Variants in ZNF572 observed in about 807,000 individuals in gnomAD.
ZNF572 encodes the protein zinc finger protein 572.
A neutral mutation model predicts 3.8 loss-of-function variants in ZNF572; 2 were observed. That is an observed-to-expected ratio of 0.52 (90% confidence interval 0.21 to 1.65). The LOEUF is 1.65. Among genes scored for constraint, ZNF572 ranks in the 40% most tolerant of loss-of-function variants. The pLI is 0.20. For synonymous variants in ZNF572, 187 were observed against 204.5 expected (o/e 0.91, Z 0.73); for missense variants, 581 against 633.4 (o/e 0.92, Z 0.89).
intron 1 of ZNF572, among the ~76,000 whole-genome samples, chr8:124,974,740 G>C (rs1274097070): frequency 1.3e-5 from 2 of 151,630 alleles, no homozygotes; most frequent in East Asian, 1.9e-4. Flanking sequence ...CCAGGCTGGA[G>C]TGGTGCAATG....
intron 2 of ZNF572, 123 bp from the exon 3 acceptor site, chr8:124,976,225 C>A: frequency 1.1e-6 from 1 of 915,066 alleles, no homozygotes; most frequent in East Asian, 2.9e-5. Context: ...TCTTTAAAAA[C>A]TTTTTTATAT....
Position 124,976,781 on chromosome 8 carries a change from C to G in ZNF572, c.513C>G (p.Asn171Lys), listed in dbSNP as rs142684750. 2.4e-4 allele frequency: 384 copies of G among 1,614,168 alleles called. 2 individuals are homozygous for G. The highest frequency in any genetic ancestry group is 1.2e-3 in the African/African-American group (92 of 75,064). Residue 171 changes from asparagine to lysine, a missense_variant, in exon 3 of 3, where the codon AAC (asparagine) becomes AAG (lysine). Physicochemically the swap from Asn to Lys is moderately conservative, Grantham distance 94. Transcript: ENST00000319286. ...KCSECAKCFC[N>K]SSHLIQHLRM... ...CTGAGTGTGCAAAATGTTTTTGTAA[C>G]AGTTCTCACCTGATTCAGCATCTAA...
At position 124,977,097 on chromosome 8, in the gene ZNF572, T is replaced by A; in HGVS notation, c.829T>A (p.Cys277Ser). Residue 277 changes from cysteine (C) to serine (S), a missense_variant, in exon 3 of 3, where the codon TGT becomes AGT. By Grantham distance (112) the Cys-to-Ser change is moderately radical (BLOSUM62 -1). Transcript: ENST00000319286. Reference sequence around the variant, plus strand: ...AGAAAAACCTTATAAGTGCCCTGATTGTGGGAAGAGTTTTAGTCAGAGTTC... The same window carrying A: ...AGAAAAACCTTATAAGTGCCCTGATAGTGGGAAGAGTTTTAGTCAGAGTTC... Reference protein sequence around the residue: ...TGEKPYKCPDCGKSFSQSSSL... With the variant: ...TGEKPYKCPDSGKSFSQSSSL... 2 of 1,609,698 alleles carry A rather than the reference T, an allele frequency of 1.2e-6. No individual in the cohort carries two copies. Among genetic ancestry groups the A allele is most frequent in the Non-Finnish European group, 1.7e-6 (2 of 1,180,000 alleles).
rs1468137822 is a variant in ZNF572 at position 124,979,239 on chromosome 8, G to C, written c.*1381G>C. The C allele has an allele frequency of 1.3e-5, 2 of 152,606 alleles. No individual in the cohort carries two copies. The highest frequency in any genetic ancestry group is 2.9e-5 in the Non-Finnish European group (2 of 68,040). The allele number at this position is 152,606 out of a possible 1,614,324, so 9.5% of individuals were successfully genotyped here. A position where few individuals can be genotyped will look rare whatever the true frequency, so the allele number is the denominator to read the frequency against. ...GTGAAGCCAGAATGGGTCAGTTGTAGCTGCTGCAAAGTTCTGTAGCTGATG... is the reference window on the plus strand; with the variant it reads ...GTGAAGCCAGAATGGGTCAGTTGTACCTGCTGCAAAGTTCTGTAGCTGATG... On this transcript the variant is annotated 3_prime_UTR_variant, in exon 3 of 3. Transcript: ENST00000319286.
chr8:124,977,409 G>C lies in ZNF572; in HGVS notation c.1141G>C (p.Glu381Gln). The C allele has an allele frequency of 6.2e-7, 1 of 1,614,190 alleles. No individual in the cohort carries two copies. The highest frequency in any genetic ancestry group is 8.5e-7 in the Non-Finnish European group (1 of 1,180,030). The change falls in exon 3 of 3, where the codon GAG becomes CAG. Residue 381 changes from glutamate to glutamine, a missense_variant. By Grantham distance (29) the Glu-to-Gln change is conservative. Transcript: ENST00000319286. ...AGAAGAATGCAGAATCCAGTTAGGA[G>C]AGAAACCATATAGATGTTGTGAATG... is the stretch of plus-strand genomic sequence containing the variant. ...VIEECRIQLGEKPYRCCECGK... is the reference protein window; with the variant it reads ...VIEECRIQLGQKPYRCCECGK...
rs754650065 is a variant in ZNF572 at position 124,976,340 on chromosome 8, T to C, written c.80-8T>C. The C allele has an allele frequency of 2.6e-6, 4 of 1,559,876 alleles. No individual in the cohort carries two copies. In the Admixed American group the frequency reaches 8.0e-5, roughly 31 times the overall value. ...GAATATGGTTAGAATATTTGTTTAT[T>C]CTTGCAGGAGATACAAGTATGAATA... On this transcript the variant is annotated splice_region_variant and splice_polypyrimidine_tract_variant and intron_variant, in intron 2 of 2. Transcript: ENST00000319286.
At position 124,977,838 on chromosome 8, in the gene ZNF572, G is replaced by T. The variant is rs181412708; in HGVS notation, c.1570G>T (p.Val524Phe). The T allele has an allele frequency of 1.3e-6, 2 of 1,584,550 alleles. No individual in the cohort carries two copies. The highest frequency in any genetic ancestry group is 1.7e-6 in the Non-Finnish European group (2 of 1,164,266). The part of the protein sequence containing the change: ...GEMPFISSFS[V>F]SNSSS ...AATGCCCTTCATCTCTTCATTTTCC[G>T]TCTCAAATTCATCTTCCTGAGTCCC... The change falls in exon 3 of 3, where the codon GTC (valine) becomes TTC (phenylalanine). Residue 524 changes from valine (V) to phenylalanine (F), a missense_variant. Coordinates refer to ENST00000319286, the MANE Select transcript of ZNF572 (RefSeq NM_152412.3).
intron 1 of ZNF572, among the ~76,000 whole-genome samples, chr8:124,975,400 G>A (rs1814494762): frequency 2.0e-5 from 3 of 152,124 alleles, no homozygotes; most frequent in Admixed American, 2.0e-4. Context: ...TTTTTGCATT[G>A]TTATTTCAGG....
At position 124,977,176 on chromosome 8, in the gene ZNF572, T is replaced by A; in HGVS notation, c.908T>A (p.Leu303His). 6.2e-6 allele frequency: 10 copies of A among 1,610,054 alleles called. No individual in the cohort carries two copies. The highest frequency in any genetic ancestry group is 8.5e-6 in the Non-Finnish European group (10 of 1,179,970). Residue 303 changes from leucine to histidine, a missense_variant, in exon 3 of 3, where the codon CTT becomes CAT. Transcript: ENST00000319286. The part of the protein sequence containing the change: ...THTGEKPYKC[L>H]ECEKSFGCNS... ...ACAGGTGAGAAGCCCTACAAATGTC[T>A]TGAGTGTGAAAAAAGCTTTGGTTGT...
intron 1 of ZNF572, among the ~76,000 whole-genome samples, chr8:124,974,249 A>G (rs187168368): frequency 2.6e-5 from 4 of 152,372 alleles, no homozygotes; most frequent in African/African-American, 9.6e-5. Flanking sequence ...GTTTGGGATT[A>G]TGCCCAGCTC....
Position 124,977,166 on chromosome 8 carries a change from T to A in ZNF572, c.898T>A (p.Tyr300Asn), listed in dbSNP as rs372094161. 3.7e-6 allele frequency: 6 copies of A among 1,609,604 alleles called. No individual in the cohort carries two copies. Among genetic ancestry groups the A allele is most frequent in the African/African-American group, 1.3e-5 (1 of 74,934 alleles). ...GCGGACACACACAGGTGAGAAGCCCTACAAATGTCTTGAGTGTGAAAAAAG... is the reference window on the plus strand; with the variant it reads ...GCGGACACACACAGGTGAGAAGCCCAACAAATGTCTTGAGTGTGAAAAAAG... Reference protein sequence around the residue: ...HQRTHTGEKPYKCLECEKSFG... With the variant: ...HQRTHTGEKPNKCLECEKSFG... Residue 300 changes from tyrosine to asparagine, a missense_variant, in exon 3 of 3, where the codon TAC becomes AAC. Physicochemically the swap from Tyr to Asn is moderately radical, Grantham distance 143 (BLOSUM62 -2). Transcript: ENST00000319286.
rs1476094092 is a variant in ZNF572, at chr8:124,977,817, C to A, written c.1549C>A (p.Pro517Thr). The A allele has an allele frequency of 6.2e-7, 1 of 1,600,908 alleles. No homozygotes were observed. Residue 517 changes from proline to threonine, a missense_variant, in exon 3 of 3, where the codon CCC (proline) becomes ACC (threonine). Physicochemically the swap from Pro to Thr is conservative, Grantham distance 38 (BLOSUM62 -1). Transcript: ENST00000319286. ...WTWKNCSGEM[P>T]FISSFSVSNS... ...TTGGAAAAACTGTTCAGGGGAAATG[C>A]CCTTCATCTCTTCATTTTCCGTCTC...
In ZNF572 at chr8:124,975,610, T is replaced by C. The variant is rs1450848516; in HGVS notation, c.-31T>C. The C allele has an allele frequency of 1.3e-6, 2 of 1,567,218 alleles. No individual in the cohort carries two copies. The highest frequency in any genetic ancestry group is 1.8e-6 in the Non-Finnish European group (2 of 1,137,560). On this transcript the variant is annotated 5_prime_UTR_variant, in exon 2 of 3. Transcript: ENST00000319286. The stretch of plus-strand genomic sequence containing the variant: ...ATAATTTATTTCCTTCCACAGGGTT[T>C]CTGATCTCTAACTTGGCTGTGATCA...
Position 124,977,683 on chromosome 8 carries a change from G to C in ZNF572, c.1415G>C (p.Ser472Thr). 1 of 1,614,224 alleles carries C rather than the reference G, an allele frequency of 6.2e-7. No homozygotes were observed. Among genetic ancestry groups the C allele is most frequent in the Middle Eastern group, 1.6e-4 (1 of 6,062 alleles). Residue 472 changes from serine (S) to threonine (T), a missense_variant, in exon 3 of 3, where the codon AGC becomes ACC. Ser to Thr is a moderately conservative substitution (Grantham distance 58). Coordinates refer to ENST00000319286, the MANE Select transcript of ZNF572 (RefSeq NM_152412.3). Reference sequence around the variant, plus strand: ...GGGGAAAAACCTTACAAATGTACCAGCTGTGAGAAATGCTTCAGCAGAAGT... The same window carrying C: ...GGGGAAAAACCTTACAAATGTACCACCTGTGAGAAATGCTTCAGCAGAAGT... ...HIGEKPYKCTSCEKCFSRSAY... is the reference protein window; with the variant it reads ...HIGEKPYKCTTCEKCFSRSAY...
intron 2 of ZNF572, among the ~76,000 whole-genome samples, 198 bp from the exon 3 acceptor site, chr8:124,976,147 ATTG>A (rs1172577281): frequency 1.3e-5 from 2 of 152,198 alleles, no homozygotes; most frequent in Non-Finnish European, 2.9e-5. Flanking sequence ...ATAATTCATT[ATTG>A]TTGTTGCTAG....
In ZNF572 at chr8:124,976,322, G is replaced by A. The variant is rs536086080; in HGVS notation, c.80-26G>A. On this transcript the variant is annotated intron_variant, in intron 2 of 2. Coordinates refer to ENST00000319286, the MANE Select transcript of ZNF572 (RefSeq NM_152412.3). ...TTCTCTGGCAGAGATTTGGAATATG[G>A]TTAGAATATTTGTTTATTCTTGCAG... is the stretch of plus-strand genomic sequence containing the variant. The A allele has an allele frequency of 1.6e-4, 252 of 1,533,226 alleles. 2 individuals are homozygous for A. In the South Asian group the frequency reaches 3.1e-3, roughly 19 times the overall value. 95.0% of individuals were successfully genotyped at this position (1,533,226 alleles called of 1,614,324 possible).
At chr8:124,974,569 C>T (rs1463481661) in intron 1 of ZNF572, among the ~76,000 whole-genome samples, 30 of 152,136 alleles carry the variant, frequency 2.0e-4, no homozygotes, top group Admixed American at 2.0e-3. Flanking sequence ...TTTGTATATC[C>T]TTTTACGTCC....
rs1412815307 is a variant in ZNF572 at position 124,977,782 on chromosome 8, A to G, written c.1514A>G (p.His505Arg). 1.9e-6 allele frequency: 3 copies of G among 1,613,994 alleles called. No individual in the cohort carries two copies. Among genetic ancestry groups the G allele is most frequent in the Non-Finnish European group, 2.5e-6 (3 of 1,179,870 alleles). The change falls in exon 3 of 3, where the codon CAT (histidine) becomes CGT (arginine). Residue 505 changes from histidine to arginine, a missense_variant. By Grantham distance (29) the His-to-Arg change is conservative. Transcript: ENST00000319286. ...FESPDVGDFP[H>R]EWTWKNCSGE... is the part of the protein sequence containing the mutation. ...TCTCCCGACGTTGGGGATTTTCCTC[A>G]TGAATGGACTTGGAAAAACTGTTCA... is the stretch of plus-strand genomic sequence containing the variant.
chr8:124,975,555 A>G, intron 1 of ZNF572, 51 bp from the exon 2 acceptor site: 2 of 1,073,586 alleles, frequency 1.9e-6, no homozygotes. Context: ...AGGAAGGAGG[A>G]AGAATAAGCT....
Sources: gnomAD v4.1 joint callset for allele counts (sites outside exome capture counted in the v4.1 genomes callset) on GRCh38, gnomAD v4.1.1 for gene constraint, MANE v1.5 for transcripts, NCBI Gene and HGNC (gene_info 2026-07-23, HGNC 2026-07-21) for gene names.